Variants in BMP1 observed in about 807,000 individuals in gnomAD.
BMP1 encodes mammalian tolloid protein.
Under a neutral mutation model 116.8 loss-of-function variants are expected in BMP1, and 63 were observed. That is an observed-to-expected ratio of 0.54 (90% confidence interval 0.44 to 0.67). The LOEUF is 0.67. BMP1 is among the 30% of genes least tolerant of loss of function. BMP1 has a pLI of 0.00. For missense variants in BMP1, 1,183 were observed against 1,358.9 expected (o/e 0.87, Z 2.04); for synonymous variants, 536 against 533.4 (o/e 1.00, Z -0.07).
At chr8:22,204,195 G>T (rs1041085466) in intron 16 of BMP1, among the ~76,000 whole-genome samples, 2 of 152,184 alleles carry the variant, frequency 1.3e-5, no homozygotes, top group Admixed American at 6.5e-5. Flanking sequence ...CAAAGAGGGA[G>T]GGCAGGGGGC....
intron 8 of BMP1, among the ~76,000 whole-genome samples, chr8:22,186,673 G>T (rs946184968): frequency 6.6e-6 from 1 of 151,824 alleles, no homozygotes; most frequent in Non-Finnish European, 1.5e-5. Flanking sequence ...CGCCATGTTG[G>T]CCAGTCTCGT....
At chr8:22,186,140 C>G (rs1828766152) in intron 8 of BMP1, among the ~76,000 whole-genome samples, 1 of 152,022 alleles carries the variant, frequency 6.6e-6, no homozygotes, top group African/African-American at 2.4e-5. Flanking sequence ...CCGGCCCAAC[C>G]CAAATTCTTA....
chr8:22,203,323 A>G (rs1470302513), intron 16 of BMP1, among the ~76,000 whole-genome samples: 1 of 152,210 alleles, frequency 6.6e-6, no homozygotes, highest in Non-Finnish European at 1.5e-5. Context: ...TGGGAGGCCA[A>G]GGCGATCGGA....
At chr8:22,211,407 G>A (rs1047065583) in intron 19 of BMP1, among the ~76,000 whole-genome samples, 187 bp from the exon 20 acceptor site, 2 of 152,082 alleles carry the variant, frequency 1.3e-5, no homozygotes, top group African/African-American at 4.8e-5. Context: ...AGTTCTCTTC[G>A]GCCCACGCCT....
At position 22,172,908 on chromosome 8, in the gene BMP1, C is replaced by A. The variant is rs573641380; in HGVS notation, c.149-694C>A. ...TTGGGATTACAGGTGTGAGCCACTGCACCTGGCTTATTTTATCTCATAGAC... is the reference window on the plus strand; with the variant it reads ...TTGGGATTACAGGTGTGAGCCACTGAACCTGGCTTATTTTATCTCATAGAC... On this transcript the variant is annotated intron_variant, in intron 1 of 19. Coordinates refer to ENST00000306385, the MANE Select transcript of BMP1 (RefSeq NM_006129.5). 9.5e-4 allele frequency among the ~76,000 whole-genome samples: 145 copies of A among 152,230 alleles called. 1 individual carries two copies. Among genetic ancestry groups the A allele is most frequent in the African/African-American group, 3.4e-3 (142 of 41,540 alleles).
chr8:22,180,951 C>A (rs1261972514), intron 8 of BMP1, among the ~76,000 whole-genome samples: 1 of 152,200 alleles, frequency 6.6e-6, no homozygotes, highest in Non-Finnish European at 1.5e-5. Context: ...CAGCTCTCAT[C>A]CGTCTCATCA....
chr8:22,208,320 T>C (rs952158186), intron 18 of BMP1, among the ~76,000 whole-genome samples: 1 of 152,216 alleles, frequency 6.6e-6, no homozygotes, highest in South Asian at 2.1e-4. Flanking sequence ...TTAGCAGCCA[T>C]GAACTGAGCT....
At chr8:22,187,542 G>T (rs1279949972) in intron 8 of BMP1, among the ~76,000 whole-genome samples, 3 of 143,944 alleles carry the variant, frequency 2.1e-5, no homozygotes, top group African/African-American at 7.9e-5. Context: ...GTAGAGACAG[G>T]GTTTCACCGT....
chr8:22,202,034 A>G (rs927119873), intron 16 of BMP1, 106 bp downstream of exon 16: 182 of 1,443,344 alleles, frequency 1.3e-4, no homozygotes, highest in Non-Finnish European at 1.6e-4. Context: ...TGGGGCCTGT[A>G]TGATCTCTAA....
chr8:22,196,458 T>C (rs979787749), intron 13 of BMP1: 26 of 626,784 alleles, frequency 4.1e-5, no homozygotes, highest in Non-Finnish European at 7.4e-5. Flanking sequence ...GCCACACTTA[T>C]GACCCCTTAG....
intron 1 of BMP1, 70 bp from the exon 2 acceptor site, chr8:22,173,532 C>T: frequency 8.2e-7 from 1 of 1,217,202 alleles, no homozygotes; most frequent in Non-Finnish European, 1.2e-6. Context: ...AGGGTTGGGG[C>T]TAGAAGCACG....
At chr8:22,202,008 G>A (rs1829275959) in intron 16 of BMP1, 80 bp downstream of exon 16, 1 of 1,516,620 alleles carries the variant, frequency 6.6e-7, no homozygotes, top group Non-Finnish European at 8.8e-7. Flanking sequence ...ATCTCCATCA[G>A]CCTCCGTTTA....
rs578056285 is a variant in BMP1, at chr8:22,192,887, C to A, written c.1180+736C>A. On this transcript the variant is annotated intron_variant, in intron 9 of 19. Transcript: ENST00000306385. ...TCAGGACCACTCTTTGGCAACAGAA[C>A]CTCTTCTCCTCAGCCTATGCCTAAA... 5.9e-5 allele frequency among the ~76,000 whole-genome samples: 9 copies of A among 152,304 alleles called. No homozygotes were observed. The South Asian group carries it at 1.5e-3, about 25-fold the overall frequency.
chr8:22,194,623 A>G lies in BMP1; in HGVS notation c.1443+33A>G, dbSNP rs1352934508. On this transcript the variant is annotated intron_variant, in intron 11 of 19. Coordinates refer to ENST00000306385, the MANE Select transcript of BMP1 (RefSeq NM_006129.5). The surrounding 1 kb of genome is among the most constrained non-coding windows in gnomAD (Gnocchi z 4.5). Reference sequence around the variant, plus strand: ...AGTGGCCCTGTGATCTGACCTTTGAATCCAGCAGTTGCTCCCTGGGACAGC... The same window carrying G: ...AGTGGCCCTGTGATCTGACCTTTGAGTCCAGCAGTTGCTCCCTGGGACAGC... 3.1e-6 allele frequency: 5 copies of G among 1,610,330 alleles called. No homozygotes were observed. The Admixed American group carries it at 5.0e-5, about 16-fold the overall frequency.
chr8:22,204,044 A>G (rs1829309264), intron 16 of BMP1, among the ~76,000 whole-genome samples: 1 of 152,208 alleles, frequency 6.6e-6, no homozygotes, highest in Non-Finnish European at 1.5e-5. Flanking sequence ...GCATTTCCTG[A>G]TTCCTATGGA....
chr8:22,180,139 C>T (rs764140724), intron 7 of BMP1, among the ~76,000 whole-genome samples: 1 of 151,936 alleles, frequency 6.6e-6, no homozygotes, highest in Non-Finnish European at 1.5e-5. Context: ...GCTCTGGAAC[C>T]CATATTGCCT....
chr8:22,171,029 CT>C (rs1455749807), intron 1 of BMP1: 10 of 152,244 alleles, frequency 6.6e-5, no homozygotes, highest in African/African-American at 2.2e-4. Flanking sequence ...CCCACTGCTT[CT>C]TCCTTGGAGT....
In BMP1 at chr8:22,196,703, A is replaced by C. The variant is rs576239807; in HGVS notation, c.1789A>C (p.Lys597Gln). The C allele has an allele frequency of 8.7e-6, 14 of 1,613,718 alleles. No homozygotes were observed. The South Asian group carries it at 1.4e-4, about 16-fold the overall frequency. ...CEAACGGFLT[K>Q]LNGSITSPGW... The stretch of plus-strand genomic sequence containing the variant: ...AGCTGCTTGTGGCGGATTCCTCACC[A>C]AGCTCAACGGCTCCATCACCAGCCC... Residue 597 changes from lysine to glutamine, a missense_variant, in exon 14 of 20, where the codon AAG becomes CAG. Physicochemically the swap from Lys to Gln is moderately conservative, Grantham distance 53. Around this residue, in one of 4 missense-constraint regions of BMP1, gnomAD observed 956 missense variants for 1,135.2 expected, o/e 0.84. Coordinates refer to ENST00000306385, the MANE Select transcript of BMP1 (RefSeq NM_006129.5).
In BMP1 at chr8:22,169,184, G is replaced by GAA. The variant is rs5890026; in HGVS notation, c.148+3649_148+3650dup. On this transcript the variant is annotated intron_variant, in intron 1 of 19. Transcript: ENST00000306385. The stretch of plus-strand genomic sequence containing the variant: ...TCTGGGTGACAAAGCAAGACTCTGT[G>GAA]AAAAAAAAAAAAAAAAAAATCTAGT... Among the ~76,000 whole-genome samples, 177 of 126,868 alleles carry GAA rather than the reference G, an allele frequency of 1.4e-3. 1 individual carries two copies. The highest frequency in any genetic ancestry group is 4.7e-3 in the African/African-American group (158 of 33,312). The allele number at this position is 126,868 out of a possible 152,430, so 83.2% of individuals were successfully genotyped here.
Sources: allele counts gnomAD v4.1 joint callset (sites outside exome capture counted in the v4.1 genomes callset), GRCh38; gene constraint gnomAD v4.1.1; regional missense constraint gnomAD v4.1.1; non-coding constraint Gnocchi (gnomAD v3.1); transcripts MANE v1.5; gene names NCBI Gene and HGNC (gene_info 2026-07-23, HGNC 2026-07-21).